Variants in ADAM12 observed in about 807,000 individuals in gnomAD.
ADAM12 encodes the protein ADAM metallopeptidase domain 12.
In ADAM12, 70 loss-of-function variants were observed where a neutral mutation model predicts 106.4. That is an observed-to-expected ratio of 0.66 (90% CI 0.54 to 0.80). The LOEUF (loss-of-function observed/expected upper bound fraction) is 0.80. Ranked by LOEUF, ADAM12 falls within the 30% of genes least tolerant of loss-of-function variation. The probability of loss-of-function intolerance (pLI) is 0.00; values close to 1 mark genes in which losing one functional copy is unlikely to be tolerated. For missense variants in ADAM12, 1,010 were observed against 1,171.9 expected (o/e 0.86, Z 2.02); for synonymous variants, 420 against 433.5 (o/e 0.97, Z 0.39).
At chr10:126,095,187 G>A (rs1414621437) in intron 10 of ADAM12, among the ~76,000 whole-genome samples, 2 of 152,068 alleles carry the variant, frequency 1.3e-5, no homozygotes, top group East Asian at 3.9e-4. Flanking sequence ...CCTCCAAAAC[G>A]CATGCTGAAG....
intron 8 of ADAM12, among the ~76,000 whole-genome samples, chr10:126,108,312 C>G (rs992767403): frequency 6.6e-6 from 1 of 152,116 alleles, no homozygotes; most frequent in Non-Finnish European, 1.5e-5. Context: ...TGGAGCTAAT[C>G]GGGAAGTCCA....
At chr10:126,244,658 G>C (rs1369385421) in intron 3 of ADAM12, among the ~76,000 whole-genome samples, 1 of 152,214 alleles carries the variant, frequency 6.6e-6, no homozygotes, top group Non-Finnish European at 1.5e-5. Flanking sequence ...GGGAGACAGA[G>C]AGAGGACACT....
intron 3 of ADAM12, among the ~76,000 whole-genome samples, chr10:126,258,118 C>T (rs1468776170): frequency 6.6e-6 from 1 of 152,172 alleles, no homozygotes; most frequent in Admixed American, 6.5e-5. Context: ...CAGTGGGGAA[C>T]AATCCACTGT....
chr10:126,129,617 G>C lies in ADAM12; in HGVS notation c.416+5967C>G, dbSNP rs912223056. Among the ~76,000 whole-genome samples, 4 of 152,222 alleles carry C rather than the reference G, an allele frequency of 2.6e-5. No individual in the cohort carries two copies. The East Asian group carries it at 7.7e-4, about 29-fold the overall frequency. Reference sequence around the variant, plus strand: ...CAAATTGGGAACCAGAATGTAAAAAGGGGGAGGAGAATCACAAGCACTTCA... The same window carrying C: ...CAAATTGGGAACCAGAATGTAAAAACGGGGAGGAGAATCACAAGCACTTCA... On this transcript the variant is annotated intron_variant, in intron 5 of 22. Coordinates refer to ENST00000448723, the MANE Select transcript of ADAM12 (RefSeq NM_001288973.2).
chr10:126,347,847 A>G (rs1002129217), intron 1 of ADAM12, among the ~76,000 whole-genome samples: 9 of 152,210 alleles, frequency 5.9e-5, no homozygotes, highest in Non-Finnish European at 2.9e-5. Context: ...CTTCTGGGTC[A>G]CCCTGAATCC....
intron 4 of ADAM12, among the ~76,000 whole-genome samples, chr10:126,136,421 C>A (rs566755111): frequency 6.6e-6 from 1 of 152,276 alleles, no homozygotes; most frequent in African/African-American, 2.4e-5. Context: ...ACTCAGTACT[C>A]CTCACTCAGA....
chr10:126,204,222 A>G (rs1280760957), intron 3 of ADAM12, among the ~76,000 whole-genome samples: 2 of 152,192 alleles, frequency 1.3e-5, no homozygotes, highest in Non-Finnish European at 2.9e-5. Flanking sequence ...AACTTTCTAG[A>G]AACATTTTCT....
chr10:126,131,856 G>C (rs1202982358), intron 5 of ADAM12, among the ~76,000 whole-genome samples: 1 of 152,154 alleles, frequency 6.6e-6, no homozygotes, highest in Admixed American at 6.5e-5. Context: ...GTAGAGGCTT[G>C]AGATAGAAAA....
intron 1 of ADAM12, among the ~76,000 whole-genome samples, chr10:126,377,693 C>T (rs762982892): frequency 4.6e-5 from 7 of 152,040 alleles, no homozygotes; most frequent in African/African-American, 7.2e-5. Context: ...TTGTGAAGTA[C>T]GGGATACTGA....
intron 11 of ADAM12, among the ~76,000 whole-genome samples, chr10:126,091,378 G>A (rs910189099): frequency 1.3e-5 from 2 of 152,164 alleles, no homozygotes; most frequent in African/African-American, 2.4e-5. Flanking sequence ...TGAGCCGCTC[G>A]ACCTCCCCCT....
chr10:126,307,535 C>A (rs1960901662), intron 2 of ADAM12, among the ~76,000 whole-genome samples: 2 of 151,932 alleles, frequency 1.3e-5, no homozygotes, highest in East Asian at 1.9e-4. Flanking sequence ...GTATTTTTTT[C>A]TTTTCTTTTC....
At chr10:126,034,479 TC>T (rs1265458928) in intron 21 of ADAM12, among the ~76,000 whole-genome samples, 2 of 152,080 alleles carry the variant, frequency 1.3e-5, no homozygotes, top group Non-Finnish European at 2.9e-5. Context: ...GGAATACTAA[TC>T]TACAGGAACA....
At chr10:126,077,092 A>T (rs1008801784) in intron 11 of ADAM12, among the ~76,000 whole-genome samples, 6 of 152,192 alleles carry the variant, frequency 3.9e-5, no homozygotes, top group African/African-American at 7.2e-5. Flanking sequence ...AACCAGTAGC[A>T]TTTCTCTACA....
At chr10:126,201,410 G>A (rs961004622) in intron 3 of ADAM12, among the ~76,000 whole-genome samples, 1 of 152,072 alleles carries the variant, frequency 6.6e-6, no homozygotes, top group Admixed American at 6.6e-5. Flanking sequence ...GCAGAGACTG[G>A]AGTGTTGTTG....
chr10:126,309,749 G>A (rs907307090), intron 2 of ADAM12, among the ~76,000 whole-genome samples: 2 of 152,170 alleles, frequency 1.3e-5, no homozygotes, highest in African/African-American at 4.8e-5. Context: ...CTAGCAGTTA[G>A]AGAGAATAGT....
chr10:126,147,593 C>T (rs1956652876), intron 4 of ADAM12, among the ~76,000 whole-genome samples: 1 of 152,226 alleles, frequency 6.6e-6, no homozygotes, highest in African/African-American at 2.4e-5. Flanking sequence ...CAGCATCAGC[C>T]TGGAACGTTT....
chr10:126,291,126 C>T (rs914401854), intron 2 of ADAM12, among the ~76,000 whole-genome samples: 1 of 152,168 alleles, frequency 6.6e-6, no homozygotes, highest in Admixed American at 6.5e-5. Flanking sequence ...ATTTATATAA[C>T]TAATTTGATG....
At chr10:126,166,680 G>A (rs1462531110) in intron 3 of ADAM12, among the ~76,000 whole-genome samples, 1 of 152,036 alleles carries the variant, frequency 6.6e-6, no homozygotes, top group African/African-American at 2.4e-5. Context: ...TGTATTTTTA[G>A]TAGAGATGGG....
intron 3 of ADAM12, among the ~76,000 whole-genome samples, chr10:126,204,861 A>G (rs1259709430): frequency 6.6e-6 from 1 of 152,158 alleles, no homozygotes; most frequent in Non-Finnish European, 1.5e-5. Context: ...TCTTTGTCAC[A>G]ACTACCCAAC....
Sources: gnomAD v4.1 joint callset for allele counts (sites outside exome capture counted in the v4.1 genomes callset) on GRCh38, gnomAD v4.1.1 for gene constraint, MANE v1.5 for transcripts, NCBI Gene and HGNC (gene_info 2026-07-23, HGNC 2026-07-21) for gene names.